GRID1: variants seen among roughly 807,000 people sequenced by gnomAD.
The protein encoded by GRID1 is glutamate receptor ionotropic, delta-1.
Under a neutral mutation model 98.0 loss-of-function variants are expected in GRID1, and 28 were observed. That is an observed-to-expected ratio of 0.29 (90% CI 0.21 to 0.39). The LOEUF is 0.39. Among genes scored for constraint, GRID1 ranks in the 10% least tolerant of loss-of-function variants. GRID1 has a pLI of 1.00. For synonymous variants in GRID1, 553 were observed against 538.5 expected (o/e 1.03, Z -0.37); for missense variants, 1,111 against 1,340.5 (o/e 0.83, Z 2.67).
intron 2 of GRID1, among the ~76,000 whole-genome samples, chr10:86,280,084 T>A (rs1275942444): frequency 1.3e-5 from 2 of 152,104 alleles, no homozygotes; most frequent in Non-Finnish European, 2.9e-5. Flanking sequence ...ACATCTTTAC[T>A]CGCAGCTACC....
rs112895095 is a variant in GRID1, at chr10:85,824,405, C to T, written c.1233+30091G>A. ...TTTTGTATTTCTAGTAGAGATGGTG[C>T]TTCACCATGTTGGCCAGGCTAGTCT... is the stretch of plus-strand genomic sequence containing the variant. On this transcript the variant is annotated intron_variant, in intron 8 of 15. Transcript: ENST00000327946. Among the ~76,000 whole-genome samples the T allele has an allele frequency of 5.7e-3, 868 of 152,192 alleles. 8 individuals are homozygous for T. The highest frequency in any genetic ancestry group is 0.02 in the African/African-American group (817 of 41,544).
intron 15 of GRID1, among the ~76,000 whole-genome samples, chr10:85,612,009 G>A (rs1842737126): frequency 6.6e-6 from 1 of 152,156 alleles, no homozygotes; most frequent in Admixed American, 6.5e-5. Flanking sequence ...TCCCTTACAT[G>A]GAGATACACA....
rs907194636 is a variant in GRID1 at position 86,365,198 on chromosome 10, C to T, written c.80-1102G>A. Among the ~76,000 whole-genome samples, 1 of 152,136 alleles carries T rather than the reference C, an allele frequency of 6.6e-6. No homozygotes were observed. The highest frequency in any genetic ancestry group is 6.5e-5 in the Admixed American group (1 of 15,276). ...TGGTCACGGGCCCCTGAGGAGGAAT[C>T]GTAGCTCTCCGAGCCCAGGCCTAGT... On this transcript the variant is annotated intron_variant, in intron 1 of 15. Coordinates refer to ENST00000327946, the MANE Select transcript of GRID1 (RefSeq NM_017551.3). The surrounding 1 kb of genome is among the most constrained non-coding windows in gnomAD (Gnocchi z 4.8).
intron 8 of GRID1, among the ~76,000 whole-genome samples, chr10:85,825,747 A>G (rs992620838): frequency 6.6e-6 from 1 of 152,182 alleles, no homozygotes; most frequent in African/African-American, 2.4e-5. Context: ...GAGAAATGCA[A>G]TAGAAAACAT....
chr10:86,133,280 T>G (rs1306122050), intron 4 of GRID1, among the ~76,000 whole-genome samples: 1 of 152,218 alleles, frequency 6.6e-6, no homozygotes, highest in Non-Finnish European at 1.5e-5. Context: ...CCAGTGTATG[T>G]GGCTGCTGGT....
chr10:85,886,663 G>T (rs986762686), intron 5 of GRID1, among the ~76,000 whole-genome samples: 1 of 152,172 alleles, frequency 6.6e-6, no homozygotes, highest in East Asian at 1.9e-4. Flanking sequence ...CTCACTTCAA[G>T]CCAGGTTGAG....
intron 4 of GRID1, among the ~76,000 whole-genome samples, chr10:86,085,090 G>T (rs1042866916): frequency 6.6e-6 from 1 of 152,216 alleles, no homozygotes; most frequent in East Asian, 1.9e-4. Context: ...GAGTTTCCAG[G>T]GAAGAGCATT....
At chr10:85,999,470 C>A (rs1030025639) in intron 4 of GRID1, among the ~76,000 whole-genome samples, 1 of 152,102 alleles carries the variant, frequency 6.6e-6, no homozygotes, top group Non-Finnish European at 1.5e-5. Context: ...TTTTATGAGG[C>A]CAGATTTGCC....
rs1251472947 is a variant in GRID1, at chr10:85,602,421, A to C, written c.2882T>G (p.Met961Arg). ...LPLPLSSSAT[M>R]PSMQCKHRSP... ...CCTGTGTTTGCACTGCATGGAGGGC[A>C]TGGTCGCCGAGCTGCTCAGCGGCAG... The change falls in exon 16 of 16, where the codon ATG becomes AGG. Residue 961 changes from methionine (M) to arginine (R), a missense_variant. This residue lies in a region of GRID1 where 762 missense variants were observed against 869.1 expected (regional missense o/e 0.88). Transcript: ENST00000327946. The C allele has an allele frequency of 5.0e-6, 8 of 1,614,096 alleles. No homozygotes were observed. Among genetic ancestry groups the C allele is most frequent in the Non-Finnish European group, 6.8e-6 (8 of 1,180,014 alleles).
Position 86,127,932 on chromosome 10 carries a change from C to A in GRID1, c.726+10887G>T, listed in dbSNP as rs938248065. ...TGCAGAGCACCACCCCTGCACCAGG[C>A]CCTCTCAAGAGCATTCCCTCATTTA... On this transcript the variant is annotated intron_variant, in intron 4 of 15. Coordinates refer to ENST00000327946, the MANE Select transcript of GRID1 (RefSeq NM_017551.3). 2.0e-5 allele frequency among the ~76,000 whole-genome samples: 3 copies of A among 152,198 alleles called. No homozygotes were observed. In the South Asian group the frequency reaches 6.2e-4, roughly 32 times the overall value.
rs767451935 is a variant in GRID1 at position 86,138,871 on chromosome 10, C to T, written c.674G>A (p.Arg225His). Residue 225 changes from arginine (R) to histidine (H), a missense_variant, in exon 4 of 16, where the codon CGC (arginine) becomes CAC (histidine). By Grantham distance (29) the Arg-to-His change is conservative (BLOSUM62 0). Around this residue, in one of 3 missense-constraint regions of GRID1, gnomAD observed 346 missense variants for 452.3 expected, o/e 0.76. Transcript: ENST00000327946. ...EELNRYRDTL[R>H]RAILLLSPQG... ...TGGGCTGAGCAGCAGGATGGCGCGG[C>T]GAAGCGTGTCCCGGTAGCGATTCAG... 8.7e-6 allele frequency: 14 copies of T among 1,614,180 alleles called. No homozygotes were observed. The highest frequency in any genetic ancestry group is 1.1e-5 in the South Asian group (1 of 91,072).
intron 2 of GRID1, among the ~76,000 whole-genome samples, chr10:86,218,920 C>A (rs1204697742): frequency 6.6e-6 from 1 of 152,214 alleles, no homozygotes; most frequent in Non-Finnish European, 1.5e-5. Context: ...AGCAACAGGA[C>A]AATGCGGGAT....
intron 8 of GRID1, among the ~76,000 whole-genome samples, chr10:85,833,919 T>A (rs1261226742): frequency 6.6e-6 from 1 of 152,186 alleles, no homozygotes; most frequent in African/African-American, 2.4e-5. Context: ...GAATAAAATG[T>A]ACCCAATGTG....
intron 8 of GRID1, among the ~76,000 whole-genome samples, chr10:85,746,376 G>C (rs1355175803): frequency 2.0e-5 from 3 of 152,146 alleles, no homozygotes; most frequent in African/African-American, 7.2e-5. Flanking sequence ...TCCAAGTCTA[G>C]CAATAACATC....
chr10:85,868,336 A>T (rs1307162612), intron 6 of GRID1, among the ~76,000 whole-genome samples: 1 of 152,168 alleles, frequency 6.6e-6, no homozygotes, highest in African/African-American at 2.4e-5. Flanking sequence ...GCTCCCAAAC[A>T]CCCAGAGAGA....
At chr10:86,355,984 G>A (rs534989703) in intron 2 of GRID1, among the ~76,000 whole-genome samples, 27 of 152,376 alleles carry the variant, frequency 1.8e-4, no homozygotes, top group Middle Eastern at 3.4e-3. Flanking sequence ...ACGGGGACAG[G>A]GGGAGGTCAT....
rs372953697 is a variant in GRID1, at chr10:85,602,277, A to G, written c.3026T>C (p.Ile1009Thr). 21 of 1,509,736 alleles carry G rather than the reference A, an allele frequency of 1.4e-5. No homozygotes were observed. Among genetic ancestry groups the G allele is most frequent in the Non-Finnish European group, 3.5e-6 (4 of 1,129,990 alleles). The allele number at this position is 1,509,736 out of a possible 1,614,324, so 93.5% of individuals were successfully genotyped here. ...EALDTSHGTS[I>T] ...GCAGGAGGGCAGGCGGCGCAGTCAG[A>G]TGGAGGTCCCGTGGGAGGTGTCCAG... The change falls in exon 16 of 16, where the codon ATC (isoleucine) becomes ACC (threonine). Residue 1009 changes from isoleucine (I) to threonine (T), a missense_variant. Around this residue, in one of 3 missense-constraint regions of GRID1, gnomAD observed 762 missense variants for 869.1 expected, o/e 0.88. Coordinates refer to ENST00000327946, the MANE Select transcript of GRID1 (RefSeq NM_017551.3).
intron 2 of GRID1, among the ~76,000 whole-genome samples, chr10:86,358,132 A>C (rs1848557308): frequency 6.6e-6 from 1 of 152,168 alleles, no homozygotes; most frequent in African/African-American, 2.4e-5. Flanking sequence ...AAGTCTGTGG[A>C]GGCTCCACAG....
chr10:85,773,579 T>C (rs905436144), intron 8 of GRID1, among the ~76,000 whole-genome samples: 6 of 152,236 alleles, frequency 3.9e-5, no homozygotes, highest in Non-Finnish European at 5.9e-5. Flanking sequence ...AAAACCCCAT[T>C]GTCTCAGCCC....
Sources: gnomAD v4.1 joint callset for allele counts (sites outside exome capture counted in the v4.1 genomes callset) on GRCh38, gnomAD v4.1.1 for gene constraint, gnomAD v4.1.1 regional missense constraint, Gnocchi (gnomAD v3.1) non-coding constraint, MANE v1.5 for transcripts, NCBI Gene and HGNC (gene_info 2026-07-23, HGNC 2026-07-21) for gene names.